GBF1: variants seen among roughly 807,000 people sequenced by gnomAD.
The protein encoded by GBF1 is golgi brefeldin A resistant guanine nucleotide exchange factor 1, also known as Golgi-specific brefeldin A-resistance guanine nucleotide exchange factor 1.
In GBF1, 114 loss-of-function variants were observed where a neutral mutation model predicts 210.5. The ratio of observed to expected loss-of-function variants is 0.54; its 90% CI spans 0.47 to 0.63. The LOEUF (loss-of-function observed/expected upper bound fraction) is 0.63. Ranked by LOEUF, GBF1 falls within the 30% of genes least tolerant of loss-of-function variation. The pLI is 0.00. For synonymous variants in GBF1, 850 were observed against 889.2 expected (o/e 0.96, Z 0.78); for missense variants, 1,851 against 2,357.7 (o/e 0.79, Z 4.45).
At chr10:102,340,317 G>C (rs2058090426) in intron 3 of GBF1, among the ~76,000 whole-genome samples, 1 of 140,412 alleles carries the variant, frequency 7.1e-6, no homozygotes, top group Non-Finnish European at 1.5e-5. Flanking sequence ...GTGTTGCCCA[G>C]GCTGGAGTGC....
chr10:102,235,169 CCCA>C, the GBF1 span, among the ~76,000 whole-genome samples: 17 of 71,570 alleles, frequency 2.4e-4, no homozygotes, highest in East Asian at 1.8e-3. Context: ...TTACCCTTCC[CCCA>C]CCCCCCACCC....
At chr10:102,232,220 G>T in the GBF1 span, 1 of 655,724 alleles carries the variant, frequency 1.5e-6, no homozygotes, top group Non-Finnish European at 2.8e-6. Context: ...CTGGGGCTGC[G>T]TGGGGCTCCT....
In GBF1 at chr10:102,375,375, G is replaced by C; in HGVS notation, c.3677G>C (p.Arg1226Pro). ...EISAQVLLSLRILLLMKPSVL... is the reference protein window; with the variant it reads ...EISAQVLLSLPILLLMKPSVL... ...CCACTCCAGGTGCTGCTCTCCCTGC[G>C]CATTTTGCTACTGATGAAGCCCAGT... Residue 1226 changes from arginine (R) to proline (P), a missense_variant, in exon 30 of 40, where the codon CGC becomes CCC. Transcript: ENST00000369983. 1 of 1,611,326 alleles carries C rather than the reference G, an allele frequency of 6.2e-7. No individual in the cohort carries two copies. The highest frequency in any genetic ancestry group is 2.2e-5 in the East Asian group (1 of 44,852).
At chr10:102,254,848 G>T (rs562588851) in intron 1 of GBF1, among the ~76,000 whole-genome samples, 2 of 152,114 alleles carry the variant, frequency 1.3e-5, no homozygotes, top group Non-Finnish European at 2.9e-5. Flanking sequence ...GGTTTCTGCA[G>T]GCCTTTATGA....
intron 3 of GBF1, among the ~76,000 whole-genome samples, chr10:102,281,716 A>G (rs1345610623): frequency 1.3e-5 from 2 of 151,504 alleles, no homozygotes; most frequent in Non-Finnish European, 2.9e-5. Context: ...CATTAATATG[A>G]CACATTTGTC....
Position 102,358,587 on chromosome 10 carries a change from C to T in GBF1, c.869C>T (p.Thr290Ile), listed in dbSNP as rs1356871617. ...EAASAVVSPS[T>I]DSGLEFSSQT... ...GCCTCAGCAGTGGTCAGTCCCTCTA[C>T]AGACAGTGGCCTGGAATTCTCCTCC... Residue 290 changes from threonine (T) to isoleucine (I), a missense_variant, in exon 10 of 40, where the codon ACA becomes ATA. Thr to Ile is a moderately conservative substitution (Grantham distance 89). Transcript: ENST00000369983. 6.2e-7 allele frequency: 1 copy of T among 1,613,812 alleles called. No individual in the cohort carries two copies. The highest frequency in any genetic ancestry group is 1.3e-5 in the African/African-American group (1 of 75,028).
intron 3 of GBF1, among the ~76,000 whole-genome samples, chr10:102,307,711 A>G (rs1005505015): frequency 1.3e-5 from 2 of 152,160 alleles, no homozygotes; most frequent in Admixed American, 6.5e-5. Context: ...GAATGGCGTG[A>G]ACCCGGGAGG....
intron 1 of GBF1, among the ~76,000 whole-genome samples, chr10:102,247,526 C>G (rs184485714): frequency 3.9e-5 from 6 of 152,178 alleles, no homozygotes; most frequent in African/African-American, 1.4e-4. Context: ...AGTTGATATG[C>G]TTTGCATAAC....
chr10:102,377,213 C>A, intron 33 of GBF1, 73 bp downstream of exon 33: 1 of 1,291,796 alleles, frequency 7.7e-7, no homozygotes, highest in Non-Finnish European at 1.1e-6. Context: ...CCAGGGAAAG[C>A]CAGGGCTGAG....
intron 1 of GBF1, among the ~76,000 whole-genome samples, chr10:102,256,982 G>A (rs2072486269): frequency 6.6e-6 from 1 of 152,156 alleles, no homozygotes; most frequent in Admixed American, 6.5e-5. Flanking sequence ...AGTCTGCAGT[G>A]AGGCATGACA....
intron 38 of GBF1, among the ~76,000 whole-genome samples, 177 bp downstream of exon 38, chr10:102,380,863 C>T (rs1411958630): frequency 6.6e-6 from 1 of 152,116 alleles, no homozygotes; most frequent in Non-Finnish European, 1.5e-5. Flanking sequence ...CAAAAATTAG[C>T]CAGGTGTGGC....
Position 102,370,493 on chromosome 10 carries a change from GT to G in GBF1, c.3506+16del. Reference sequence around the variant, plus strand: ...TTGGAGAACAGGTAAGATGAGCGTAGTCTTTAGGCAGACCCCATGCTGGGCT... The same window carrying G: ...TTGGAGAACAGGTAAGATGAGCGTAGCTTTAGGCAGACCCCATGCTGGGCT... On this transcript the variant is annotated intron_variant, in intron 28 of 39. Transcript: ENST00000369983. 1.3e-6 allele frequency: 2 copies of G among 1,587,058 alleles called. No homozygotes were observed. The highest frequency in any genetic ancestry group is 1.7e-6 in the Non-Finnish European group (2 of 1,155,256).
intron 3 of GBF1, among the ~76,000 whole-genome samples, chr10:102,288,271 C>A (rs1383915360): frequency 6.6e-6 from 1 of 152,098 alleles, no homozygotes; most frequent in African/African-American, 2.4e-5. Context: ...AAATTTGGTG[C>A]AAATGAACTA....
chr10:102,258,150 ATTTTTTTT>A (rs60505807), intron 1 of GBF1, among the ~76,000 whole-genome samples: 2 of 96,932 alleles, frequency 2.1e-5, no homozygotes, highest in Non-Finnish European at 2.0e-5. Flanking sequence ...AGTATTACAG[ATTTTTTTT>A]TTTTTTTTTT....
chr10:102,353,741 A>G, intron 8 of GBF1, 87 bp downstream of exon 8: 2 of 939,292 alleles, frequency 2.1e-6, no homozygotes, highest in South Asian at 2.6e-5. Flanking sequence ...CTTAGCAAAG[A>G]TATGCTTTTG....
chr10:102,269,904 A>T (rs2074227567), intron 3 of GBF1, among the ~76,000 whole-genome samples: 1 of 148,390 alleles, frequency 6.7e-6, no homozygotes, highest in African/African-American at 2.5e-5. Flanking sequence ...TTTGAGACGG[A>T]ATCTTGCTCT....
At chr10:102,368,110 A>C in intron 21 of GBF1, 108 bp from the exon 22 acceptor site, 1 of 743,622 alleles carries the variant, frequency 1.3e-6, no homozygotes, top group South Asian at 1.6e-5. Context: ...TGCAGTTCTG[A>C]TGACCTCTCA....
chr10:102,258,893 ATAT>A, intron 1 of GBF1, 33 bp from the exon 2 acceptor site: 1 of 1,112,216 alleles, frequency 9.0e-7, no homozygotes, highest in Non-Finnish European at 1.4e-6. Context: ...GGGTAACCAA[ATAT>A]TAACCAGACT....
rs2060490811 is a variant in GBF1, at chr10:102,376,286, A to G, written c.3901A>G (p.Ser1301Gly). 6.2e-7 allele frequency: 1 copy of G among 1,613,794 alleles called. No homozygotes were observed. Among genetic ancestry groups the G allele is most frequent in the Non-Finnish European group, 8.5e-7 (1 of 1,179,850 alleles). ...GCCTACCATAGGGGCCCAGTCAGAT[A>G]GTGAGCTCCCATCCTACCATCAGAA... ...DAPDAGAQSD[S>G]ELPSYHQNDV... The change falls in exon 31 of 40, where the codon AGT (serine) becomes GGT (glycine). Residue 1301 changes from serine (S) to glycine (G), a missense_variant. Coordinates refer to ENST00000369983, the MANE Select transcript of GBF1 (RefSeq NM_001377137.1).
Sources: allele counts gnomAD v4.1 joint callset (sites outside exome capture counted in the v4.1 genomes callset), GRCh38; gene constraint gnomAD v4.1.1; transcripts MANE v1.5; gene names NCBI Gene and HGNC (gene_info 2026-07-23, HGNC 2026-07-21).